Variants in XCR1 observed in about 807,000 individuals in gnomAD.
XCR1 encodes the protein X-C motif chemokine receptor 1.
For missense variants in XCR1, 356 were observed against 424.2 expected, an observed-to-expected ratio of 0.84 and a Z score of 1.41; for synonymous variants, 187 against 188.5, an observed-to-expected ratio of 0.99 and a Z score of 0.06.
intron 1 of XCR1, among the ~76,000 whole-genome samples, chr3:46,083,387 G>C (rs747564901): frequency 6.6e-6 from 1 of 152,194 alleles, no homozygotes; most frequent in African/African-American, 2.4e-5. Flanking sequence ...AGGATATTTC[G>C]TTACCCTTCT....
intron 1 of XCR1, among the ~76,000 whole-genome samples, chr3:46,081,081 A>G (rs573192956): frequency 1.3e-5 from 2 of 152,196 alleles, no homozygotes; most frequent in Non-Finnish European, 2.9e-5. Context: ...GAAAATTGTT[A>G]TTAGAAAAGA....
In XCR1 at chr3:46,020,366, T is replaced by A. The variant is rs1189030854; in HGVS notation, c.*580A>T. On this transcript the variant is annotated 3_prime_UTR_variant, in exon 2 of 2. Coordinates refer to ENST00000309285, the MANE Select transcript of XCR1 (RefSeq NM_001024644.2). ...GGACTTGAATCCAGGATACAGAACA[T>A]TTCTCCAGTCTAGTTGTGGATTTTT... 1 of 152,896 alleles carries A rather than the reference T, an allele frequency of 6.5e-6. No individual in the cohort carries two copies. The highest frequency in any genetic ancestry group is 1.5e-5 in the Non-Finnish European group (1 of 68,616). The allele number at this position is 152,896 out of a possible 1,614,324, so 9.5% of individuals were successfully genotyped here.
In XCR1 at chr3:46,018,416, T is replaced by C. The variant is rs548712899; in HGVS notation, c.*2530A>G. 6.6e-6 allele frequency: 1 copy of C among 152,364 alleles called. No homozygotes were observed. The highest frequency in any genetic ancestry group is 1.9e-4 in the East Asian group (1 of 5,180). The allele number at this position is 152,364 out of a possible 1,614,324, so 9.4% of individuals were successfully genotyped here. ...GCTCAGCCTGCCCTCTGAGTAAAAG[T>C]TGAACAAAATGTTAAGAATCAGTGT... On this transcript the variant is annotated 3_prime_UTR_variant, in exon 2 of 2. Transcript: ENST00000309285.
intron 5 of XCR1, among the ~76,000 whole-genome samples, chr3:46,049,393 C>T (rs1430442816): frequency 6.6e-6 from 1 of 152,160 alleles, no homozygotes; most frequent in Non-Finnish European, 1.5e-5. Flanking sequence ...AGTTTGTCTG[C>T]TTTCTCATTA....
At chr3:46,032,272 G>A (rs1708411089), upstream of XCR1, among the ~76,000 whole-genome samples, 2 of 152,194 alleles carry the variant, frequency 1.3e-5, no homozygotes, top group South Asian at 2.1e-4. Context: ...CCTCTTTGGG[G>A]CCTTGTGGTT....
At chr3:46,062,652 C>T (rs766697204) in intron 4 of XCR1, among the ~76,000 whole-genome samples, 3 of 152,224 alleles carry the variant, frequency 2.0e-5, no homozygotes, top group Non-Finnish European at 4.4e-5. Flanking sequence ...CTCTAATTCC[C>T]TCTTGGGGTT....
Position 46,082,806 on chromosome 3 carries a change from C to G in XCR1, c.-515+2988G>C, listed in dbSNP as rs191916541. Among the ~76,000 whole-genome samples the G allele has an allele frequency of 1.4e-3, 216 of 152,186 alleles. 1 individual carries two copies. The highest frequency in any genetic ancestry group is 5.0e-3 in the East Asian group (26 of 5,186). The stretch of plus-strand genomic sequence containing the variant: ...CACCTGGCCTAGGTTTCTGTTTTTG[C>G]CGTCCCTGATAAATTTGACTGTAGC... On this transcript the variant is annotated intron_variant, in intron 1 of 5. Coordinates refer to the XCR1 transcript ENST00000683768.
intron 4 of XCR1, among the ~76,000 whole-genome samples, chr3:46,060,424 TGTGTA>T (rs1010239747): frequency 1.3e-5 from 2 of 152,220 alleles, no homozygotes; most frequent in Non-Finnish European, 1.5e-5. Flanking sequence ...CTTCTTCTAT[TGTGTA>T]GTAGCAGCCC....
chr3:46,065,040 A>G (rs1846619), intron 4 of XCR1, among the ~76,000 whole-genome samples: 107,270 of 151,932 alleles, frequency 0.71, 38,721 homozygotes, highest in East Asian at 0.94. Context: ...GTGGTGAGCC[A>G]AGATCCCGCC....
chr3:46,069,801 A>C (rs1049832321), intron 3 of XCR1, among the ~76,000 whole-genome samples: 4 of 151,754 alleles, frequency 2.6e-5, no homozygotes, highest in African/African-American at 9.7e-5. Flanking sequence ...AATTTCATTT[A>C]GTTCTGCTCT....
chr3:46,027,120 G>T (rs1198079003), intron 1 of XCR1, among the ~76,000 whole-genome samples: 2 of 151,590 alleles, frequency 1.3e-5, no homozygotes, highest in South Asian at 2.1e-4. Flanking sequence ...CAAGAAATCT[G>T]CCAGGCCAAT....
chr3:46,075,160 A>G (rs1698235302), intron 2 of XCR1, among the ~76,000 whole-genome samples: 1 of 152,110 alleles, frequency 6.6e-6, no homozygotes, highest in Admixed American at 6.6e-5. Flanking sequence ...GACAGACACA[A>G]AGATTAATGG....
At chr3:46,031,640 C>T (rs1165864855), upstream of XCR1, among the ~76,000 whole-genome samples, 1 of 152,204 alleles carries the variant, frequency 6.6e-6, no homozygotes, top group Non-Finnish European at 1.5e-5. Flanking sequence ...CCTGGTGAAG[C>T]CCCACCTTCA....
rs377519646 is a variant in XCR1 at position 46,020,934 on chromosome 3, G to C, written c.*12C>G. 1 of 1,607,308 alleles carries C rather than the reference G, an allele frequency of 6.2e-7. No individual in the cohort carries two copies. Among genetic ancestry groups the C allele is most frequent in the South Asian group, 1.1e-5 (1 of 90,196 alleles). On this transcript the variant is annotated 3_prime_UTR_variant, in exon 2 of 2. Coordinates refer to ENST00000309285, the MANE Select transcript of XCR1 (RefSeq NM_001024644.2). ...GTCCACCTGCACCTGCGCCTGCACC[G>C]CCACAGGCCCCTCAGTAGAAGGAGG... is the stretch of plus-strand genomic sequence containing the variant.
chr3:46,021,550 C>T lies in XCR1; in HGVS notation c.398G>A (p.Ser133Asn), dbSNP rs778895457. 3 of 1,610,488 alleles carry T rather than the reference C, an allele frequency of 1.9e-6. No homozygotes were observed. The highest frequency in any genetic ancestry group is 1.7e-6 in the Non-Finnish European group (2 of 1,178,228). The stretch of plus-strand genomic sequence containing the variant: ...GGGGACGCGCAGGGTGGAGAGGGGG[C>T]TCACTACCGACAGGTAGCGGTGGAT... ...MTIHRYLSVV[S>N]PLSTLRVPTL... The change falls in exon 2 of 2, where the codon AGC (serine) becomes AAC (asparagine). Residue 133 changes from serine to asparagine, a missense_variant. Physicochemically the swap from Ser to Asn is conservative, Grantham distance 46. Transcript: ENST00000309285. This position sits in a 1 kb window ranked among gnomAD's most constrained non-coding sequence, Gnocchi z 4.7.
intron 5 of XCR1, among the ~76,000 whole-genome samples, chr3:46,035,621 G>A (rs1346691780): frequency 6.6e-6 from 1 of 152,166 alleles, no homozygotes; most frequent in Non-Finnish European, 1.5e-5. Context: ...ACTACAGCTG[G>A]TCTCAACTGT....
At chr3:46,065,274 C>T (rs932914667) in intron 4 of XCR1, among the ~76,000 whole-genome samples, 5 of 152,112 alleles carry the variant, frequency 3.3e-5, no homozygotes, top group Admixed American at 6.5e-5. Context: ...GGGAAAATCC[C>T]CAACCTGCTT....
At chr3:46,045,464 T>G (rs1022392515) in intron 5 of XCR1, among the ~76,000 whole-genome samples, 1 of 151,876 alleles carries the variant, frequency 6.6e-6, no homozygotes, top group Non-Finnish European at 1.5e-5. Context: ...GTTGAAAATT[T>G]GAAAATCAAT....
At chr3:46,041,995 C>T (rs1697544284) in intron 5 of XCR1, among the ~76,000 whole-genome samples, 1 of 152,212 alleles carries the variant, frequency 6.6e-6, no homozygotes, top group South Asian at 2.1e-4. Context: ...TGGCAATATT[C>T]ATTGTCTCCG....
Sources: allele counts gnomAD v4.1 joint callset (sites outside exome capture counted in the v4.1 genomes callset), GRCh38; gene constraint gnomAD v4.1.1; non-coding constraint Gnocchi (gnomAD v3.1); transcripts MANE v1.5; gene names NCBI Gene and HGNC (gene_info 2026-07-23, HGNC 2026-07-21).